The following SMYD2 variants were observed in gnomAD, a reference collection of about 807,000 sequenced individuals.
The protein encoded by SMYD2 is SET and MYND domain containing 2, also known as N-lysine methyltransferase SMYD2.
A neutral mutation model predicts 59.1 loss-of-function variants in SMYD2; 53 were observed. The observed-to-expected ratio is 0.90, with a 90% CI of 0.72 to 1.13. The LOEUF is 1.13. SMYD2 is among the 50% of genes most tolerant of loss of function. The pLI, the probability that SMYD2 is intolerant of heterozygous loss-of-function variation, is 0.00. For synonymous variants in SMYD2, 208 were observed against 198.8 expected (o/e 1.05, Z -0.39); for missense variants, 494 against 544.7 (o/e 0.91, Z 0.93).
chr1:214,282,059 GAAA>G (rs1464181098), intron 1 of SMYD2, among the ~76,000 whole-genome samples: 1 of 152,224 alleles, frequency 6.6e-6, no homozygotes, highest in East Asian at 1.9e-4. Flanking sequence ...TTGGGATTAG[GAAA>G]ACATGGTCGC....
At chr1:214,310,808 C>T (rs562188146) in intron 2 of SMYD2, among the ~76,000 whole-genome samples, 8 of 152,124 alleles carry the variant, frequency 5.3e-5, no homozygotes, top group East Asian at 1.9e-4. Context: ...GGGTAGTTGC[C>T]GCTGTCAGGT....
At chr1:214,282,211 T>C (rs144372214) in intron 1 of SMYD2, among the ~76,000 whole-genome samples, 12 of 152,368 alleles carry the variant, frequency 7.9e-5, no homozygotes, top group South Asian at 2.1e-4. Context: ...TCAACTCTTA[T>C]GAGAGTTTCA....
At chr1:214,320,708 A>G (rs1657159830) in intron 5 of SMYD2, among the ~76,000 whole-genome samples, 1 of 152,242 alleles carries the variant, frequency 6.6e-6, no homozygotes, top group African/African-American at 2.4e-5. Flanking sequence ...AATTTATTGA[A>G]TTCTTTTATA....
chr1:214,326,725 T>G (rs143481391), intron 6 of SMYD2, among the ~76,000 whole-genome samples: 31 of 152,198 alleles, frequency 2.0e-4, no homozygotes, highest in African/African-American at 7.5e-4. Context: ...TTTCCCTTTT[T>G]GTATTCTCGG....
chr1:214,324,866 C>T (rs547749509), intron 6 of SMYD2, among the ~76,000 whole-genome samples, 158 bp downstream of exon 6: 7 of 152,220 alleles, frequency 4.6e-5, no homozygotes, highest in Admixed American at 1.3e-4. Context: ...CAAAATATTT[C>T]CCCTACACTT....
intron 1 of SMYD2, among the ~76,000 whole-genome samples, chr1:214,289,638 CAT>C (rs1171630492): frequency 2.6e-5 from 4 of 152,346 alleles, no homozygotes; most frequent in Admixed American, 1.3e-4. Flanking sequence ...TCTTTGAATA[CAT>C]GTGTATGTGT....
chr1:214,284,660 G>A (rs747550068), intron 1 of SMYD2, among the ~76,000 whole-genome samples: 4 of 151,230 alleles, frequency 2.6e-5, no homozygotes, highest in Admixed American at 6.6e-5. Context: ...TCCGCCTCCC[G>A]GGTTCAAGTG....
chr1:214,329,486 A>G (rs1657315464), intron 7 of SMYD2, among the ~76,000 whole-genome samples: 1 of 152,238 alleles, frequency 6.6e-6, no homozygotes, highest in Non-Finnish European at 1.5e-5. Context: ...AGCCTTAGTT[A>G]CAGACCCCAT....
intron 1 of SMYD2, among the ~76,000 whole-genome samples, chr1:214,303,673 G>GA (rs1216493299): frequency 6.6e-6 from 1 of 152,270 alleles, no homozygotes; most frequent in Non-Finnish European, 1.5e-5. Flanking sequence ...ATTTTTGGAA[G>GA]ACTTCCTTAA....
intron 5 of SMYD2, among the ~76,000 whole-genome samples, chr1:214,324,389 G>A (rs140431527): frequency 8.7e-4 from 133 of 152,278 alleles, no homozygotes; most frequent in African/African-American, 2.8e-3. Flanking sequence ...GGTCTTTGGC[G>A]TGCCTGGACC....
intron 1 of SMYD2, among the ~76,000 whole-genome samples, chr1:214,304,339 G>A (rs1256841447): frequency 1.3e-5 from 2 of 151,900 alleles, no homozygotes; most frequent in Admixed American, 1.3e-4. Context: ...CAGGTGGATG[G>A]CTTGAGCCCA....
At chr1:214,311,983 C>G (rs973204111) in intron 2 of SMYD2, among the ~76,000 whole-genome samples, 1 of 152,152 alleles carries the variant, frequency 6.6e-6, no homozygotes, top group Non-Finnish European at 1.5e-5. Flanking sequence ...GTCTTTTCCT[C>G]TTTGCTCTGC....
Position 214,331,158 on chromosome 1 carries a change from G to T in SMYD2, c.937+88G>T, listed in dbSNP as rs1657347038. On this transcript the variant is annotated intron_variant, in intron 9 of 11. Transcript: ENST00000366957. The stretch of plus-strand genomic sequence containing the variant: ...GGAAAGAGGGAGCAGGAGAAGGATG[G>T]ATTTAAGATTCTGAAAACCAAAGGA... 13 of 1,568,770 alleles carry T rather than the reference G, an allele frequency of 8.3e-6. No individual in the cohort carries two copies. The South Asian group carries it at 1.4e-4, about 17-fold the overall frequency.
intron 6 of SMYD2, 118 bp downstream of exon 6, chr1:214,324,826 A>G: frequency 1.2e-6 from 1 of 868,314 alleles, no homozygotes; most frequent in East Asian, 2.5e-5. Context: ...CTCAAAGTGA[A>G]TTAAAACAGC....
At chr1:214,292,148 C>T (rs1243380961) in intron 1 of SMYD2, among the ~76,000 whole-genome samples, 1 of 150,766 alleles carries the variant, frequency 6.6e-6, no homozygotes, top group Non-Finnish European at 1.5e-5. Context: ...TCTTCTCTGT[C>T]TGTGAATCTG....
intron 1 of SMYD2, among the ~76,000 whole-genome samples, chr1:214,290,547 T>A (rs6540816): frequency 1 from 152,332 of 152,332 alleles, 76,166 homozygotes; most frequent in Non-Finnish European, 1. Context: ...ACAAAGACAC[T>A]GTTGTGTCTT....
chr1:214,333,145 A>C (rs1366374884), intron 10 of SMYD2: 1 of 152,322 alleles, frequency 6.6e-6, no homozygotes, highest in African/African-American at 2.4e-5. Flanking sequence ...AGCTCTTAAA[A>C]TCTGCTCTTG....
chr1:214,304,558 CAAAAAAAAAAA>C (rs56254326), intron 1 of SMYD2, among the ~76,000 whole-genome samples: 1 of 48,040 alleles, frequency 2.1e-5, no homozygotes, highest in African/African-American at 8.9e-5. Context: ...GACCCTATCT[CAAAAAAAAAAA>C]AAAAAAAAAA....
chr1:214,314,785 G>A lies in SMYD2; in HGVS notation c.261G>A (p.Lys87=). The change falls in exon 3 of 12, where the codon AAG becomes AAA. Residue 87 remains lysine (K), a synonymous_variant. Coordinates refer to ENST00000366957, the MANE Select transcript of SMYD2 (RefSeq NM_020197.3). ...ECQKEDWPMH[K]LECSPMVVFG... is the part of the protein sequence containing the mutation. Reference sequence around the variant, plus strand: ...AGAAAGAAGATTGGCCCATGCACAAGCTGGAATGTTCTCCCATGGTTGTTT... The same window carrying A: ...AGAAAGAAGATTGGCCCATGCACAAACTGGAATGTTCTCCCATGGTTGTTT... 1.2e-6 allele frequency: 2 copies of A among 1,614,014 alleles called. No homozygotes were observed. Among genetic ancestry groups the A allele is most frequent in the Non-Finnish European group, 1.7e-6 (2 of 1,179,956 alleles).
Sources: gnomAD v4.1 joint callset for allele counts (sites outside exome capture counted in the v4.1 genomes callset) on GRCh38, gnomAD v4.1.1 for gene constraint, MANE v1.5 for transcripts, NCBI Gene and HGNC (gene_info 2026-07-23, HGNC 2026-07-21) for gene names.